Variants in RBMS3 observed in about 807,000 individuals in gnomAD.
The protein encoded by RBMS3 is RNA-binding motif, single-stranded-interacting protein 3.
Under a neutral mutation model 66.8 loss-of-function variants are expected in RBMS3, and 27 were observed. The ratio of observed to expected loss-of-function variants is 0.40; its 90% CI spans 0.30 to 0.56. The LOEUF is 0.56. Among genes scored for constraint, RBMS3 ranks in the 20% least tolerant of loss-of-function variants. The pLI is 0.40. For synonymous variants in RBMS3, 188 were observed against 183.0 expected, an observed-to-expected ratio of 1.03 and a Z score of -0.22; for missense variants, 513 against 549.5, an observed-to-expected ratio of 0.93 and a Z score of 0.66.
chr3:29,372,381 G>T (rs1338810396), intron 1 of RBMS3, among the ~76,000 whole-genome samples: 2 of 151,924 alleles, frequency 1.3e-5, no homozygotes, highest in African/African-American at 2.4e-5. Context: ...ATTTAAAAAA[G>T]AACTTTAATA....
intron 1 of RBMS3, among the ~76,000 whole-genome samples, chr3:29,288,347 TG>T (rs1370866295): frequency 6.6e-6 from 1 of 152,078 alleles, no homozygotes; most frequent in African/African-American, 2.4e-5. Flanking sequence ...AAAATTTAAC[TG>T]TCTTCATCCT....
intron 4 of RBMS3, chr3:29,698,090 C>T: frequency 1.9e-6 from 1 of 523,668 alleles, no homozygotes; most frequent in Non-Finnish European, 2.4e-6. Flanking sequence ...ATACTTGGTG[C>T]TTCATTTTAT....
chr3:29,526,094 G>T (rs1194497941), intron 3 of RBMS3, among the ~76,000 whole-genome samples: 1 of 152,110 alleles, frequency 6.6e-6, no homozygotes, highest in East Asian at 1.9e-4. Context: ...TCAAAATGTG[G>T]TCTATAGAGG....
At chr3:29,636,206 T>G (rs1479462623) in intron 4 of RBMS3, among the ~76,000 whole-genome samples, 2 of 151,846 alleles carry the variant, frequency 1.3e-5, no homozygotes, top group African/African-American at 4.8e-5. Flanking sequence ...AAAGCATTAC[T>G]ATACTCACTT....
intron 1 of RBMS3, among the ~76,000 whole-genome samples, chr3:29,375,954 C>T (rs188423240): frequency 6.6e-6 from 1 of 152,176 alleles, no homozygotes; most frequent in East Asian, 1.9e-4. Context: ...AACCTAAATG[C>T]CCATCAATGA....
At chr3:29,591,733 A>G (rs9862320) in intron 4 of RBMS3, among the ~76,000 whole-genome samples, 45,303 of 152,122 alleles carry the variant, frequency 0.3, 7,472 homozygotes, top group African/African-American at 0.44. Flanking sequence ...GGCTTAACAG[A>G]CATCTTTCTT....
chr3:29,749,993 T>G (rs1010845390), intron 5 of RBMS3, among the ~76,000 whole-genome samples: 2 of 152,168 alleles, frequency 1.3e-5, no homozygotes, highest in African/African-American at 4.8e-5. Flanking sequence ...TGCTTGCAAA[T>G]GTATACTTTA....
At chr3:29,928,229 CACACACAT>C (rs1190188500) in intron 10 of RBMS3, among the ~76,000 whole-genome samples, 6 of 145,048 alleles carry the variant, frequency 4.1e-5, no homozygotes, top group South Asian at 4.3e-4. Context: ...CACACACACA[CACACACAT>C]ATATATGTAT....
chr3:29,848,415 G>C (rs998267552), intron 6 of RBMS3, among the ~76,000 whole-genome samples: 2 of 152,136 alleles, frequency 1.3e-5, no homozygotes. Flanking sequence ...TGAAGCTTAT[G>C]TATATAGTTA....
At chr3:29,896,674 T>G (rs1295595085) in intron 8 of RBMS3, among the ~76,000 whole-genome samples, 1 of 151,570 alleles carries the variant, frequency 6.6e-6, no homozygotes, top group African/African-American at 2.4e-5. Context: ...AGCTACCCTT[T>G]AATAGATCTC....
intron 2 of RBMS3, among the ~76,000 whole-genome samples, chr3:29,438,028 T>TTCTCTCTCTCTCTC (rs34431369): frequency 0.012 from 1,686 of 142,514 alleles, 17 homozygotes; most frequent in Admixed American, 0.018. Flanking sequence ...CCTTGCTTGT[T>TTCTCTCTCTCTCTC]TCTCTCTCTC....
intron 5 of RBMS3, among the ~76,000 whole-genome samples, chr3:29,752,439 G>T (rs982051485): frequency 2.6e-5 from 4 of 152,132 alleles, no homozygotes; most frequent in African/African-American, 9.7e-5. Context: ...TTGGGCTTGA[G>T]GGTGGAGCCC....
intron 4 of RBMS3, among the ~76,000 whole-genome samples, chr3:29,643,725 G>C (rs2149200907): frequency 6.6e-6 from 1 of 152,160 alleles, no homozygotes; most frequent in African/African-American, 2.4e-5. Flanking sequence ...ATTTGAGGGA[G>C]GTTTCTAGAG....
chr3:29,783,548 C>T (rs929506584), intron 6 of RBMS3, among the ~76,000 whole-genome samples: 59 of 152,004 alleles, frequency 3.9e-4, no homozygotes, highest in African/African-American at 1.4e-3. Flanking sequence ...AAAGGGAGCT[C>T]TAAATCTTGA....
intron 1 of RBMS3, among the ~76,000 whole-genome samples, chr3:29,408,565 C>T (rs1261779606): frequency 1.3e-5 from 2 of 151,884 alleles, no homozygotes; most frequent in Admixed American, 6.6e-5. Context: ...TTTAAATTAC[C>T]CTGTACTTTT....
intron 2 of RBMS3, among the ~76,000 whole-genome samples, chr3:29,481,538 T>C (rs1379447409): frequency 6.6e-6 from 1 of 152,040 alleles, no homozygotes; most frequent in Non-Finnish European, 1.5e-5. Context: ...TGAATAGAGG[T>C]ACTGAAGTAG....
intron 1 of RBMS3, among the ~76,000 whole-genome samples, chr3:29,427,578 C>A (rs910447643): frequency 6.6e-6 from 1 of 152,154 alleles, no homozygotes; most frequent in African/African-American, 2.4e-5. Context: ...TGTGTACGTG[C>A]AAGCTAAATA....
At chr3:29,792,892 G>A (rs750514483) in intron 6 of RBMS3, among the ~76,000 whole-genome samples, 13 of 152,118 alleles carry the variant, frequency 8.5e-5, no homozygotes, top group Admixed American at 3.3e-4. Flanking sequence ...TTGGTAGAGC[G>A]TGGACATGAC....
intron 3 of RBMS3, among the ~76,000 whole-genome samples, chr3:29,561,432 T>TTGTTG (rs1559470074): frequency 4.5e-4 from 67 of 149,052 alleles, no homozygotes; most frequent in African/African-American, 1.7e-3. Context: ...ATCTGTTGTT[T>TTGTTG]TTGTTGTTGT....
Sources: allele counts gnomAD v4.1 joint callset (sites outside exome capture counted in the v4.1 genomes callset), GRCh38; gene constraint gnomAD v4.1.1; transcripts MANE v1.5; gene names NCBI Gene and HGNC (gene_info 2026-07-23, HGNC 2026-07-21).